Variants in C8orf88 observed in about 807,000 individuals in gnomAD.
C8orf88 encodes the protein chromosome 8 open reading frame 88.
Under a neutral mutation model 18.4 loss-of-function variants are expected in C8orf88, and 14 were observed. That is an observed-to-expected ratio of 0.76 (90% CI 0.50 to 1.19). The LOEUF (loss-of-function observed/expected upper bound fraction) is 1.19. Ranked by LOEUF, C8orf88 falls within the 50% of genes most tolerant of loss-of-function variation. The pLI is 0.00. For missense variants in C8orf88, 116 were observed against 134.7 expected (o/e 0.86, Z 0.69); for synonymous variants, 45 against 42.9 (o/e 1.05, Z -0.19).
rs116236566 is a variant in C8orf88 at position 90,963,678 on chromosome 8, T to C, written c.224-2830A>G. On this transcript the variant is annotated intron_variant, in intron 4 of 5. Coordinates refer to ENST00000517562, the MANE Select transcript of C8orf88 (RefSeq NM_001190972.2). Reference sequence around the variant, plus strand: ...GAAGTACAATAACGGAAATGACAAATTCATGAGAGGGTTTCAACAGCAGAT... The same window carrying C: ...GAAGTACAATAACGGAAATGACAAACTCATGAGAGGGTTTCAACAGCAGAT... 1.7e-3 allele frequency among the ~76,000 whole-genome samples: 259 copies of C among 151,384 alleles called. 1 individual carries two copies. Among genetic ancestry groups the C allele is most frequent in the African/African-American group, 6.1e-3 (252 of 41,358 alleles).
chr8:90,968,657 CATATATATATAT>C lies in C8orf88; in HGVS notation c.223+2397_223+2408del, dbSNP rs34558575. ...TCTCCAGTAGAGAATGAAAAGACAA[CATATATATATAT>C]ATATATATATATATATGCACACACT... On this transcript the variant is annotated intron_variant, in intron 4 of 5. Transcript: ENST00000517562. 1.8e-4 allele frequency among the ~76,000 whole-genome samples: 13 copies of C among 72,816 alleles called. 2 individuals carry two copies. The highest frequency in any genetic ancestry group is 1.2e-3 in the South Asian group (2 of 1,674). The allele number at this position is 72,816 out of a possible 152,430, so 47.8% of individuals were successfully genotyped here.
intron 3 of C8orf88, among the ~76,000 whole-genome samples, chr8:90,978,149 TTTAC>T (rs1366957773): frequency 2.0e-5 from 3 of 152,144 alleles, no homozygotes; most frequent in Non-Finnish European, 4.4e-5. Context: ...TTGTGACTAA[TTTAC>T]TTAGTCAAAA....
intron 2 of C8orf88, 28 bp from the exon 3 acceptor site, chr8:90,978,680 A>T: frequency 7.8e-7 from 1 of 1,284,676 alleles, no homozygotes; most frequent in Non-Finnish European, 1.1e-6. Flanking sequence ...AAACAATTTC[A>T]TAGATCTATT....
intron 4 of C8orf88, among the ~76,000 whole-genome samples, chr8:90,970,011 C>CA (rs1811260983): frequency 6.6e-6 from 1 of 151,952 alleles, no homozygotes; most frequent in East Asian, 1.9e-4. Context: ...ACAAGTGTGA[C>CA]AGAGTTGTTG....
At chr8:90,966,101 C>G (rs1811191708) in intron 4 of C8orf88, among the ~76,000 whole-genome samples, 1 of 151,160 alleles carries the variant, frequency 6.6e-6, no homozygotes, top group Non-Finnish European at 1.5e-5. Flanking sequence ...GTTTTTTCAA[C>G]CCAAATGTCC....
At chr8:90,972,145 T>C (rs547675104) in intron 3 of C8orf88, among the ~76,000 whole-genome samples, 1 of 152,170 alleles carries the variant, frequency 6.6e-6, no homozygotes, top group Admixed American at 6.5e-5. Flanking sequence ...TTGTAAGCCA[T>C]TCCTTAAATT....
chr8:90,960,941 T>C, intron 4 of C8orf88, 93 bp from the exon 5 acceptor site: 2 of 610,568 alleles, frequency 3.3e-6, no homozygotes, highest in Non-Finnish European at 5.5e-6. Flanking sequence ...CCTCTATTCA[T>C]TATATAAAAT....
At chr8:90,960,325 C>G (rs1032516047) in intron 5 of C8orf88, among the ~76,000 whole-genome samples, 1 of 151,394 alleles carries the variant, frequency 6.6e-6, no homozygotes, top group African/African-American at 2.4e-5. Context: ...ACAGACCATG[C>G]ATACATTGCC....
chr8:90,977,720 T>C (rs1181914761), intron 3 of C8orf88, among the ~76,000 whole-genome samples: 1 of 152,120 alleles, frequency 6.6e-6, no homozygotes, highest in Non-Finnish European at 1.5e-5. Flanking sequence ...GGCAGGCAGA[T>C]CACCTGAGGT....
intron 4 of C8orf88, among the ~76,000 whole-genome samples, chr8:90,962,819 T>C (rs1251629948): frequency 6.6e-6 from 1 of 151,684 alleles, no homozygotes; most frequent in Non-Finnish European, 1.5e-5. Context: ...TCCAAACATT[T>C]ACAGGAAAAT....
intron 1 of C8orf88, among the ~76,000 whole-genome samples, chr8:90,984,135 C>A (rs1226112495): frequency 6.6e-6 from 1 of 152,014 alleles, no homozygotes; most frequent in Non-Finnish European, 1.5e-5. Flanking sequence ...ACTTAAACTC[C>A]AATATAAATT....
chr8:90,962,632 CT>C (rs58973299), intron 4 of C8orf88, among the ~76,000 whole-genome samples: 15,114 of 151,532 alleles, frequency 0.1, 2,079 homozygotes, highest in African/African-American at 0.31. Context: ...GCCCTCATTA[CT>C]TTTATAGGTT....
intron 2 of C8orf88, 61 bp from the exon 3 acceptor site, chr8:90,978,713 A>G: frequency 2.0e-6 from 2 of 978,722 alleles, no homozygotes; most frequent in Non-Finnish European, 3.0e-6. Context: ...AATATAATCA[A>G]CTAAAAAGCT....
intron 4 of C8orf88, 33 bp from the exon 5 acceptor site, chr8:90,960,881 G>T (rs1811117661): frequency 1.6e-6 from 2 of 1,235,570 alleles, no homozygotes; most frequent in Non-Finnish European, 2.3e-6. Flanking sequence ...ATAATGTTAG[G>T]AAATGTAGGG....
chr8:90,968,666 A>C (rs1191503242), intron 4 of C8orf88, among the ~76,000 whole-genome samples: 2 of 127,136 alleles, frequency 1.6e-5, no homozygotes, highest in African/African-American at 5.7e-5. Context: ...ACATATATAT[A>C]TATATATATA....
chr8:90,958,959 C>A lies in C8orf88; in HGVS notation c.*48G>T. The stretch of plus-strand genomic sequence containing the variant: ...CCATTACAGTTATTGTTGCTAGATC[C>A]ACCTCATTTGCAGATGTCCAAACTT... On this transcript the variant is annotated 3_prime_UTR_variant, in exon 6 of 6. Transcript: ENST00000517562. The A allele has an allele frequency of 8.1e-7, 1 of 1,237,496 alleles. No individual in the cohort carries two copies. Among genetic ancestry groups the A allele is most frequent in the East Asian group, 2.7e-5 (1 of 36,624 alleles). 76.7% of individuals were successfully genotyped at this position (1,237,496 alleles called of 1,614,324 possible). A position where few individuals can be genotyped will look rare whatever the true frequency, so the allele number is the denominator to read the frequency against.
chr8:90,959,697 T>C (rs1219240767), intron 5 of C8orf88, among the ~76,000 whole-genome samples: 1 of 151,444 alleles, frequency 6.6e-6, no homozygotes, highest in Non-Finnish European at 1.5e-5. Flanking sequence ...AAAAAAATAC[T>C]ATGAATTCCA....
chr8:90,985,181 G>A lies in C8orf88; in HGVS notation c.-94C>T, dbSNP rs1811488958. The A allele has an allele frequency of 1.3e-5, 2 of 151,346 alleles. No homozygotes were observed. The highest frequency in any genetic ancestry group is 3.0e-5 in the Non-Finnish European group (2 of 67,740). 9.4% of individuals were successfully genotyped at this position (151,346 alleles called of 1,614,324 possible). On this transcript the variant is annotated 5_prime_UTR_variant, in exon 1 of 6. Coordinates refer to ENST00000517562, the MANE Select transcript of C8orf88 (RefSeq NM_001190972.2). The stretch of plus-strand genomic sequence containing the variant: ...CGCTCAGCCCACACGCGGAGGCCGA[G>A]CGCCCTGCTGCCCGTCGGGGAACGG...
Position 90,960,015 on chromosome 8 carries a change from TTATCATCCTTATCAGC to T in C8orf88, c.330+711_330+726del, listed in dbSNP as rs1405545561. 3.0e-3 allele frequency among the ~76,000 whole-genome samples: 449 copies of T among 151,494 alleles called. 1 individual carries two copies. Among genetic ancestry groups the T allele is most frequent in the African/African-American group, 6.6e-3 (275 of 41,454 alleles). Reference sequence around the variant, plus strand: ...TCATCCTTATCAGCAATTGCAAAACTTATCATCCTTATCAGCAATTCAATGAGGTTAAGTGACTTGT... The same window carrying T: ...TCATCCTTATCAGCAATTGCAAAACTAATTCAATGAGGTTAAGTGACTTGT... On this transcript the variant is annotated intron_variant, in intron 5 of 5. Transcript: ENST00000517562.
Sources: gnomAD v4.1 joint callset for allele counts (sites outside exome capture counted in the v4.1 genomes callset) on GRCh38, gnomAD v4.1.1 for gene constraint, MANE v1.5 for transcripts, NCBI Gene and HGNC (gene_info 2026-07-23, HGNC 2026-07-21) for gene names.